Variants in ARHGEF10L observed in about 807,000 individuals in gnomAD.
The protein encoded by ARHGEF10L is rho guanine nucleotide exchange factor 10-like protein.
ARHGEF10L carries 69 observed loss-of-function variants against 141.2 expected under a neutral mutation model. The observed-to-expected ratio is 0.49, with a 90% CI of 0.40 to 0.60. The LOEUF (loss-of-function observed/expected upper bound fraction) is 0.60. Among genes scored for constraint, ARHGEF10L ranks in the 20% least tolerant of loss-of-function variants. The probability of loss-of-function intolerance (pLI) is 0.00; values close to 1 mark genes in which losing one functional copy is unlikely to be tolerated. For synonymous variants in ARHGEF10L, 711 were observed against 718.5 expected, an observed-to-expected ratio of 0.99 and a Z score of 0.17; for missense variants, 1,482 against 1,734.3, an observed-to-expected ratio of 0.85 and a Z score of 2.58.
At chr1:17,695,840 G>T (rs1022658026) in intron 28 of ARHGEF10L, among the ~76,000 whole-genome samples, 2 of 152,114 alleles carry the variant, frequency 1.3e-5, no homozygotes, top group African/African-American at 2.4e-5. Flanking sequence ...AGGGAGCAGG[G>T]CCAATAGGAA....
chr1:17,660,263 C>T (rs1261718153), intron 25 of ARHGEF10L, among the ~76,000 whole-genome samples: 3 of 152,178 alleles, frequency 2.0e-5, no homozygotes, highest in African/African-American at 7.2e-5. Context: ...TCGGAGTCCC[C>T]CCTTGAGGAG....
intron 25 of ARHGEF10L, among the ~76,000 whole-genome samples, chr1:17,662,962 G>C (rs920372305): frequency 5.3e-5 from 8 of 152,154 alleles, no homozygotes; most frequent in African/African-American, 1.9e-4. Flanking sequence ...CGCCACTGCT[G>C]CCTGTCTCTC....
chr1:17,651,118 T>C (rs1444458605), intron 22 of ARHGEF10L, among the ~76,000 whole-genome samples: 4 of 152,226 alleles, frequency 2.6e-5, no homozygotes, highest in Admixed American at 2.6e-4. Context: ...TTAATATTGA[T>C]TTTTTTAAAG....
chr1:17,667,521 G>T (rs370986197), intron 26 of ARHGEF10L, among the ~76,000 whole-genome samples: 1 of 152,246 alleles, frequency 6.6e-6, no homozygotes, highest in African/African-American at 2.4e-5. Flanking sequence ...CCCCCTGTTG[G>T]TCAGAGGACA....
chr1:17,597,086 G>A (rs530252569), intron 4 of ARHGEF10L, among the ~76,000 whole-genome samples: 1 of 152,250 alleles, frequency 6.6e-6, no homozygotes, highest in South Asian at 2.1e-4. Flanking sequence ...GGTGCTGGGA[G>A]GGGTCCTTTC....
At chr1:17,648,360 C>A (rs555038077) in intron 21 of ARHGEF10L, among the ~76,000 whole-genome samples, 194 bp from the exon 22 acceptor site, 87 of 152,290 alleles carry the variant, frequency 5.7e-4, no homozygotes, top group African/African-American at 1.9e-3. Flanking sequence ...CAACTCCCTG[C>A]CTGAGACCCT....
intron 1 of ARHGEF10L, among the ~76,000 whole-genome samples, chr1:17,547,006 C>T (rs767287240): frequency 3.9e-5 from 6 of 151,904 alleles, no homozygotes; most frequent in South Asian, 2.1e-4. Context: ...ACATTCTGCT[C>T]GCCCCGGAGT....
rs2062244809 is a variant in ARHGEF10L, at chr1:17,656,300, C to T, written c.2705+198C>T. Among the ~76,000 whole-genome samples, 1 of 152,202 alleles carries T rather than the reference C, an allele frequency of 6.6e-6. No homozygotes were observed. Among genetic ancestry groups the T allele is most frequent in the Non-Finnish European group, 1.5e-5 (1 of 68,034 alleles). On this transcript the variant is annotated intron_variant, in intron 24 of 28. Transcript: ENST00000361221. The surrounding 1 kb of genome is among the most constrained non-coding windows in gnomAD (Gnocchi z 4.9). ...GGCCTGCAGTGCAGTTGCCTGGCTC[C>T]TCCCAGGCAGAATGGCTGGCTCTTT...
chr1:17,531,759 G>A, the ARHGEF10L span, among the ~76,000 whole-genome samples: 1 of 152,220 alleles, frequency 6.6e-6, no homozygotes, highest in Non-Finnish European at 1.5e-5. Context: ...AGCTTCTGGT[G>A]TGTTGCTCAT....
At chr1:17,606,300 CT>C (rs1042783664) in intron 6 of ARHGEF10L, among the ~76,000 whole-genome samples, 28 of 146,882 alleles carry the variant, frequency 1.9e-4, no homozygotes, top group Admixed American at 2.7e-4. Flanking sequence ...TCTTCTTCTT[CT>C]TTTTTTTTTT....
At chr1:17,617,400 T>G (rs1234715776) in intron 9 of ARHGEF10L, among the ~76,000 whole-genome samples, 2 of 152,152 alleles carry the variant, frequency 1.3e-5, no homozygotes, top group Admixed American at 6.5e-5. Flanking sequence ...CCCACCAGGC[T>G]CCAGTCCATT....
chr1:17,530,373 C>A, the ARHGEF10L span, among the ~76,000 whole-genome samples: 3 of 152,144 alleles, frequency 2.0e-5, no homozygotes, highest in Non-Finnish European at 2.9e-5. Context: ...CCTTTCTGAG[C>A]CTCAGTTTCC....
At chr1:17,527,675 CTT>C in the ARHGEF10L span, among the ~76,000 whole-genome samples, 1 of 147,362 alleles carries the variant, frequency 6.8e-6, no homozygotes, top group Non-Finnish European at 1.5e-5. Flanking sequence ...CAAGACACTC[CTT>C]TTTTTTTTTC....
At chr1:17,642,426 C>T (rs188731346) in intron 21 of ARHGEF10L, among the ~76,000 whole-genome samples, 3 of 152,264 alleles carry the variant, frequency 2.0e-5, no homozygotes, top group South Asian at 2.1e-4. Context: ...CGGGGAGAGC[C>T]GTATGGGATT....
chr1:17,586,277 G>A (rs1181867134), intron 2 of ARHGEF10L, among the ~76,000 whole-genome samples: 1 of 152,222 alleles, frequency 6.6e-6, no homozygotes, highest in Non-Finnish European at 1.5e-5. Flanking sequence ...AATTCAGAGA[G>A]GCAAAGTGAC....
chr1:17,644,458 C>T lies in ARHGEF10L; in HGVS notation c.2273-4096C>T, dbSNP rs909476572. Among the ~76,000 whole-genome samples the T allele has an allele frequency of 3.9e-5, 6 of 152,182 alleles. No individual in the cohort carries two copies. The highest frequency in any genetic ancestry group is 2.1e-4 in the South Asian group (1 of 4,828). The stretch of plus-strand genomic sequence containing the variant: ...GGGCCGAGGGCGTGGCCTTGGAGTC[C>T]GACCCTGGTTTTACCCCAGCTGGGA... On this transcript the variant is annotated intron_variant, in intron 21 of 28. Transcript: ENST00000361221. The surrounding 1 kb of genome is among the most constrained non-coding windows in gnomAD (Gnocchi z 4.5).
At position 17,603,488 on chromosome 1, in the gene ARHGEF10L, T is replaced by C. The variant is rs1262755138; in HGVS notation, c.350-20T>C. On this transcript the variant is annotated intron_variant, in intron 5 of 28. Coordinates refer to ENST00000361221, the MANE Select transcript of ARHGEF10L (RefSeq NM_018125.4). The surrounding 1 kb of genome is among the most constrained non-coding windows in gnomAD (Gnocchi z 4.8). ...TGCCACAGCCCACGGTGGTGCTCTCTCTCCCCACTTCCCTCCCAGTTGACC... is the reference window on the plus strand; with the variant it reads ...TGCCACAGCCCACGGTGGTGCTCTCCCTCCCCACTTCCCTCCCAGTTGACC... 1 of 1,609,274 alleles carries C rather than the reference T, an allele frequency of 6.2e-7. No individual in the cohort carries two copies. Among genetic ancestry groups the C allele is most frequent in the Non-Finnish European group, 8.5e-7 (1 of 1,177,302 alleles).
At chr1:17,683,762 A>C (rs1428260286) in intron 26 of ARHGEF10L, among the ~76,000 whole-genome samples, 1 of 152,152 alleles carries the variant, frequency 6.6e-6, no homozygotes, top group Non-Finnish European at 1.5e-5. Flanking sequence ...CTGGAGACAG[A>C]CTTGTTATGC....
At chr1:17,678,086 G>A (rs1038947733) in intron 26 of ARHGEF10L, among the ~76,000 whole-genome samples, 2 of 152,144 alleles carry the variant, frequency 1.3e-5, no homozygotes. Context: ...CTATGGCTCA[G>A]TCTTCACCGG....
Sources: allele counts gnomAD v4.1 joint callset (sites outside exome capture counted in the v4.1 genomes callset), GRCh38; gene constraint gnomAD v4.1.1; non-coding constraint Gnocchi (gnomAD v3.1); transcripts MANE v1.5; gene names NCBI Gene and HGNC (gene_info 2026-07-23, HGNC 2026-07-21).